Variants in ESR1 observed in about 807,000 individuals in gnomAD.
The protein encoded by ESR1 is estrogen receptor.
Under a neutral mutation model 52.7 loss-of-function variants are expected in ESR1, and 12 were observed. The ratio of observed to expected loss-of-function variants is 0.23; its 90% confidence interval spans 0.15 to 0.37. ESR1 has a LOEUF of 0.37. ESR1 is among the 10% of genes least tolerant of loss of function. The pLI is 1.00. For missense variants in ESR1, 584 were observed against 779.7 expected (o/e 0.75, Z 2.99); for synonymous variants, 305 against 316.8 (o/e 0.96, Z 0.39).
At chr6:152,031,834 CAA>C (rs965216339) in intron 5 of ESR1, among the ~76,000 whole-genome samples, 30 of 152,066 alleles carry the variant, frequency 2.0e-4, no homozygotes, top group African/African-American at 7.0e-4. Context: ...AGAGACACAA[CAA>C]AAAAAGAGAA....
chr6:152,006,587 T>G (rs1185880545), intron 4 of ESR1, among the ~76,000 whole-genome samples: 1 of 152,106 alleles, frequency 6.6e-6, no homozygotes, highest in Non-Finnish European at 1.5e-5. Flanking sequence ...CAAAGTTTTA[T>G]TTAGCTTGTA....
At chr6:151,925,410 C>T (rs925963326) in intron 3 of ESR1, among the ~76,000 whole-genome samples, 4 of 152,128 alleles carry the variant, frequency 2.6e-5, no homozygotes, top group African/African-American at 4.8e-5. Flanking sequence ...AGTTCGAGAC[C>T]ATTCTGGCCA....
chr6:151,689,818 C>T (rs2115336125), upstream of ESR1, among the ~76,000 whole-genome samples: 1 of 152,124 alleles, frequency 6.6e-6, no homozygotes, highest in South Asian at 2.1e-4. Flanking sequence ...CTGCATAAAC[C>T]ACACCAGACA....
intron 6 of ESR1, among the ~76,000 whole-genome samples, chr6:152,111,589 C>G (rs2152513700): frequency 6.6e-6 from 1 of 152,300 alleles, no homozygotes; most frequent in Middle Eastern, 3.4e-3. Flanking sequence ...CAAGTTCACC[C>G]CGGACTCAAT....
chr6:151,717,463 AG>A (rs1383783619), intron 2 of ESR1, among the ~76,000 whole-genome samples: 1 of 152,240 alleles, frequency 6.6e-6, no homozygotes, highest in Admixed American at 6.5e-5. Flanking sequence ...ATGATTTGAC[AG>A]CTTTGTGATA....
intron 3 of ESR1, among the ~76,000 whole-genome samples, chr6:151,897,471 G>A (rs1456387320): frequency 6.6e-6 from 1 of 152,132 alleles, no homozygotes; most frequent in Non-Finnish European, 1.5e-5. Flanking sequence ...TTGTTTTAAA[G>A]TTTGTTTTGT....
intron 4 of ESR1, among the ~76,000 whole-genome samples, chr6:151,965,840 C>T (rs923370147): frequency 2.9e-5 from 2 of 69,646 alleles, no homozygotes; most frequent in Non-Finnish European, 6.4e-5. Flanking sequence ...ATAATAGCTA[C>T]TGTTCTGTGG....
intron 2 of ESR1, among the ~76,000 whole-genome samples, chr6:151,861,394 A>G (rs1474909735): frequency 6.6e-6 from 1 of 152,224 alleles, no homozygotes; most frequent in Non-Finnish European, 1.5e-5. Context: ...ATCAAATTGA[A>G]TGCTTCTTGA....
At chr6:152,107,086 A>G (rs2051075906), downstream of ESR1, among the ~76,000 whole-genome samples, 2 of 113,782 alleles carry the variant, frequency 1.8e-5, no homozygotes, top group Admixed American at 8.7e-5. Flanking sequence ...CTTTTTGTAT[A>G]TATTCTACTT....
In ESR1 at chr6:151,826,073, G is replaced by A. The variant is rs144067752; in HGVS notation, c.453-16524G>A. On this transcript the variant is annotated intron_variant, in intron 1 of 7. Coordinates refer to ENST00000206249, the MANE Select transcript of ESR1 (RefSeq NM_000125.4). ...GGTTGAGCAGAAAGCCCTGGGATGC[G>A]GGGAGGGGGGTGGCGGGGAAGGAAT... is the stretch of plus-strand genomic sequence containing the variant. 1.8e-3 allele frequency among the ~76,000 whole-genome samples: 274 copies of A among 152,134 alleles called. 3 individuals are homozygous for A. Among genetic ancestry groups the A allele is most frequent in the African/African-American group, 6.3e-3 (262 of 41,508 alleles).
intron 2 of ESR1, among the ~76,000 whole-genome samples, chr6:151,734,710 C>T (rs1782510262): frequency 6.6e-6 from 1 of 151,778 alleles, no homozygotes; most frequent in Admixed American, 6.6e-5. Context: ...GCAGCCTCTG[C>T]CTCCTGGGTT....
chr6:152,008,983 T>C (rs2128767173), intron 4 of ESR1, among the ~76,000 whole-genome samples: 1 of 152,146 alleles, frequency 6.6e-6, no homozygotes, highest in East Asian at 1.9e-4. Context: ...ATCGTGGGTA[T>C]TGAGAAAGAG....
intron 1 of ESR1, among the ~76,000 whole-genome samples, chr6:151,827,042 T>C (rs1583502590): frequency 6.6e-6 from 1 of 151,710 alleles, no homozygotes; most frequent in African/African-American, 2.4e-5. Context: ...AAGTTGGAGG[T>C]GCCGGGCATG....
At chr6:152,076,114 C>T (rs952793493) in intron 6 of ESR1, among the ~76,000 whole-genome samples, 2 of 152,128 alleles carry the variant, frequency 1.3e-5, no homozygotes, top group African/African-American at 4.8e-5. Flanking sequence ...CTCTGTGTCC[C>T]CACCCAAATT....
intron 4 of ESR1, among the ~76,000 whole-genome samples, chr6:151,984,927 A>G (rs771061347): frequency 6.6e-6 from 1 of 152,160 alleles, no homozygotes; most frequent in Non-Finnish European, 1.5e-5. Flanking sequence ...TTCAAGATCT[A>G]GTCCCTTCTT....
chr6:151,821,329 G>C (rs1219484152), intron 1 of ESR1, among the ~76,000 whole-genome samples: 1 of 152,168 alleles, frequency 6.6e-6, no homozygotes, highest in African/African-American at 2.4e-5. Context: ...GAATGCCCCA[G>C]CCATGCTTGT....
At chr6:152,077,489 C>G (rs999769046) in intron 6 of ESR1, among the ~76,000 whole-genome samples, 1 of 152,164 alleles carries the variant, frequency 6.6e-6, no homozygotes, top group Non-Finnish European at 1.5e-5. Context: ...AGGAGGACCA[C>G]TGTCCTCCAG....
At chr6:151,874,497 G>A (rs1791488735) in intron 2 of ESR1, among the ~76,000 whole-genome samples, 1 of 152,104 alleles carries the variant, frequency 6.6e-6, no homozygotes, top group South Asian at 2.1e-4. Flanking sequence ...TATGATAAAG[G>A]AAAAATAACT....
upstream of ESR1, among the ~76,000 whole-genome samples, chr6:151,804,129 G>T (rs752747295): frequency 2.0e-4 from 31 of 152,180 alleles, no homozygotes; most frequent in African/African-American, 6.3e-4. Flanking sequence ...GAAGAGGAAA[G>T]TCGGCGTAGC....
Sources: gnomAD v4.1 joint callset for allele counts (sites outside exome capture counted in the v4.1 genomes callset) on GRCh38, gnomAD v4.1.1 for gene constraint, MANE v1.5 for transcripts, NCBI Gene and HGNC (gene_info 2026-07-23, HGNC 2026-07-21) for gene names.